Variants in PFKFB3 observed in about 807,000 individuals in gnomAD.
PFKFB3 encodes the protein 6-phosphofructo-2-kinase/fructose-2,6-bisphosphatase 3.
Under a neutral mutation model 68.0 loss-of-function variants are expected in PFKFB3, and 33 were observed. That is an observed-to-expected ratio of 0.49 (90% CI 0.37 to 0.65). PFKFB3 has a LOEUF of 0.65. Among genes scored for constraint, PFKFB3 ranks in the 30% least tolerant of loss-of-function variants. The pLI is 0.00. For synonymous variants in PFKFB3, 315 were observed against 288.2 expected (o/e 1.09, Z -0.94); for missense variants, 586 against 712.2 (o/e 0.82, Z 2.02).
At chr10:6,293,084 C>T in the PFKFB3 span, 6 of 395,366 alleles carry the variant, frequency 1.5e-5, no homozygotes, top group African/African-American at 6.4e-5. Flanking sequence ...ACATTTCCGT[C>T]GTGTGATGAA....
downstream of PFKFB3, among the ~76,000 whole-genome samples, chr10:6,255,543 G>A (rs1273716090): frequency 6.6e-6 from 1 of 152,176 alleles, no homozygotes; most frequent in Non-Finnish European, 1.5e-5. Flanking sequence ...GTACTTCAAC[G>A]GGTGTGTCTC....
Position 6,215,161 on chromosome 10 carries a change from G to C in PFKFB3, c.203-60G>C, listed in dbSNP as rs549027676. ...TCCTTTGGTCGATCCTATGGTCCCG[G>C]TGTGAGCTGGCCCCTTCCTCCTGCT... On this transcript the variant is annotated intron_variant, in intron 2 of 14. Coordinates refer to ENST00000379775, the MANE Select transcript of PFKFB3 (RefSeq NM_004566.4). The surrounding 1 kb of genome is among the most constrained non-coding windows in gnomAD (Gnocchi z 4.3). 24 of 1,415,318 alleles carry C rather than the reference G, an allele frequency of 1.7e-5. No individual in the cohort carries two copies. In the East Asian group the frequency reaches 4.6e-4, roughly 27 times the overall value. 87.7% of individuals were successfully genotyped at this position (1,415,318 alleles called of 1,614,324 possible). A position where few individuals can be genotyped will look rare whatever the true frequency, so the allele number is the denominator to read the frequency against.
chr10:6,236,904 G>T (rs1171123552), downstream of PFKFB3, among the ~76,000 whole-genome samples: 1 of 152,176 alleles, frequency 6.6e-6, no homozygotes, highest in Non-Finnish European at 1.5e-5. Flanking sequence ...TTCAGTAACC[G>T]GGTGGATGCT....
intron 1 of PFKFB3, among the ~76,000 whole-genome samples, chr10:6,156,906 A>T (rs992315443): frequency 1.3e-5 from 2 of 151,472 alleles, no homozygotes; most frequent in Non-Finnish European, 2.9e-5. Flanking sequence ...AGCCTGGGCA[A>T]CATGGCAAAC....
At position 6,215,641 on chromosome 10, in the gene PFKFB3, C is replaced by A. The variant is rs1458698259; in HGVS notation, c.299+324C>A. On this transcript the variant is annotated intron_variant, in intron 3 of 14. Coordinates refer to ENST00000379775, the MANE Select transcript of PFKFB3 (RefSeq NM_004566.4). The surrounding 1 kb of genome is among the most constrained non-coding windows in gnomAD (Gnocchi z 4.3). ...GAGCTGACCCTCACTGGGACAGAGC[C>A]GCAGAAGCACCCTCACTGAGAATTA... Among the ~76,000 whole-genome samples the A allele has an allele frequency of 6.6e-6, 1 of 152,142 alleles. No individual in the cohort carries two copies. Among genetic ancestry groups the A allele is most frequent in the Non-Finnish European group, 1.5e-5 (1 of 68,022 alleles).
chr10:6,179,219 C>T (rs191803686), intron 1 of PFKFB3, among the ~76,000 whole-genome samples: 15 of 152,234 alleles, frequency 9.9e-5, no homozygotes, highest in Non-Finnish European at 1.6e-4. Flanking sequence ...CGAGGTCACA[C>T]AGCGTGTGAG....
At chr10:6,247,891 T>A (rs1218145611) in intron 14 of PFKFB3, among the ~76,000 whole-genome samples, 1 of 152,246 alleles carries the variant, frequency 6.6e-6, no homozygotes, top group Non-Finnish European at 1.5e-5. Context: ...ATGAGCTGGT[T>A]ATTTATTTTT....
chr10:6,270,621 G>A, the PFKFB3 span, among the ~76,000 whole-genome samples: 2 of 152,182 alleles, frequency 1.3e-5, no homozygotes, highest in Non-Finnish European at 2.9e-5. Context: ...CCTCTGGATA[G>A]TAAGGGTCCG....
At chr10:6,162,347 T>A (rs576742836) in intron 1 of PFKFB3, among the ~76,000 whole-genome samples, 4 of 152,322 alleles carry the variant, frequency 2.6e-5, no homozygotes, top group African/African-American at 9.6e-5. Context: ...CGAACATGGG[T>A]CTACAAACAT....
At chr10:6,251,113 C>G (rs1283639520) in intron 14 of PFKFB3, among the ~76,000 whole-genome samples, 1 of 152,092 alleles carries the variant, frequency 6.6e-6, no homozygotes, top group Non-Finnish European at 1.5e-5. Context: ...CCAGGAAAAC[C>G]CAAAATATAT....
chr10:6,199,606 TC>T (rs1325514299), upstream of PFKFB3, among the ~76,000 whole-genome samples: 7 of 147,656 alleles, frequency 4.7e-5, no homozygotes, highest in Non-Finnish European at 8.9e-5. Flanking sequence ...CACCTCAGTC[TC>T]CAAAATAACT....
chr10:6,235,593 C>T (rs11257470), downstream of PFKFB3: 54,083 of 152,134 alleles, frequency 0.36, 10,072 homozygotes, highest in Middle Eastern at 0.47. Flanking sequence ...TTGATGTTTA[C>T]GGCAGATGCG....
chr10:6,267,147 G>A, the PFKFB3 span, among the ~76,000 whole-genome samples: 3 of 152,308 alleles, frequency 2.0e-5, no homozygotes, highest in South Asian at 6.2e-4. Flanking sequence ...GCAAACATAA[G>A]CGCATTTAAC....
chr10:6,193,774 A>G (rs1843095570), intron 1 of PFKFB3, among the ~76,000 whole-genome samples: 1 of 152,088 alleles, frequency 6.6e-6, no homozygotes, highest in South Asian at 2.1e-4. Flanking sequence ...TACATTCTCA[A>G]GGGTGGGGAG....
the PFKFB3 span, among the ~76,000 whole-genome samples, chr10:6,282,118 C>T: frequency 2.0e-5 from 3 of 152,090 alleles, no homozygotes; most frequent in African/African-American, 7.2e-5. Context: ...TACAGGCACA[C>T]ACCACCATGC....
intron 1 of PFKFB3, among the ~76,000 whole-genome samples, chr10:6,196,976 CTTATTA>C (rs529886918): frequency 1.3e-5 from 2 of 148,406 alleles, no homozygotes; most frequent in African/African-American, 2.6e-5. Context: ...TTTTACTGTA[CTTATTA>C]TTATTATTAT....
chr10:6,301,626 A>C, the PFKFB3 span, among the ~76,000 whole-genome samples: 1 of 152,298 alleles, frequency 6.6e-6, no homozygotes, highest in East Asian at 1.9e-4. Flanking sequence ...GAAAGCACTG[A>C]TGGATGTAAC....
At chr10:6,146,314 T>G in intron 1 of PFKFB3, 5 of 1,520,422 alleles carry the variant, frequency 3.3e-6, no homozygotes, top group Non-Finnish European at 3.5e-6. Context: ...TGCCTAGGTA[T>G]CAGCGTGGGC....
At chr10:6,209,154 A>C (rs1489132942) in intron 1 of PFKFB3, among the ~76,000 whole-genome samples, 1 of 152,182 alleles carries the variant, frequency 6.6e-6, no homozygotes, top group African/African-American at 2.4e-5. Flanking sequence ...GGACTTGGTG[A>C]CTTTCTGGGA....
Sources: allele counts gnomAD v4.1 joint callset (sites outside exome capture counted in the v4.1 genomes callset), GRCh38; gene constraint gnomAD v4.1.1; non-coding constraint Gnocchi (gnomAD v3.1); transcripts MANE v1.5; gene names NCBI Gene and HGNC (gene_info 2026-07-23, HGNC 2026-07-21).